Variants in SPECC1 observed in about 807,000 individuals in gnomAD.
The protein encoded by SPECC1 is sperm antigen with calponin homology and coiled-coil domains 1, also known as cytospin-B.
Under a neutral mutation model 104.1 loss-of-function variants are expected in SPECC1, and 62 were observed. The observed-to-expected ratio is 0.60, with a 90% CI of 0.49 to 0.74. SPECC1 has a LOEUF of 0.74. Among genes scored for constraint, SPECC1 ranks in the 30% least tolerant of loss-of-function variants. SPECC1 has a pLI of 0.00. For missense variants in SPECC1, 1,306 were observed against 1,310.5 expected, an observed-to-expected ratio of 1.00 and a Z score of 0.05; for synonymous variants, 513 against 501.6, an observed-to-expected ratio of 1.02 and a Z score of -0.30.
In SPECC1 at chr17:20,316,653, A is replaced by G; in HGVS notation, c.*2588A>G. ...CCAAAGTGCTGGGATTACAGGCATG[A>G]GCCACTGAGCCCGGCTGTTTTTTTG... On this transcript the variant is annotated 3_prime_UTR_variant, in exon 15 of 15. Coordinates refer to ENST00000395527, the MANE Select transcript of SPECC1 (RefSeq NM_001243439.2). 1 of 185,408 alleles carries G rather than the reference A, an allele frequency of 5.4e-6. No homozygotes were observed. Among genetic ancestry groups the G allele is most frequent in the Non-Finnish European group, 1.1e-5 (1 of 87,848 alleles). The allele number at this position is 185,408 out of a possible 1,614,324, so 11.5% of individuals were successfully genotyped here.
intron 3 of SPECC1, among the ~76,000 whole-genome samples, chr17:20,141,937 C>T (rs1053149196): frequency 3.3e-5 from 5 of 152,208 alleles, no homozygotes; most frequent in Non-Finnish European, 7.3e-5. Flanking sequence ...GTTGTGTGAA[C>T]CTAGTCTCTG....
chr17:20,307,879 C>A (rs530415234), intron 14 of SPECC1, among the ~76,000 whole-genome samples: 5 of 152,134 alleles, frequency 3.3e-5, no homozygotes, highest in African/African-American at 1.2e-4. Context: ...ACAAAATATC[C>A]ATCTAGACAT....
At position 20,114,604 on chromosome 17, in the gene SPECC1, T is replaced by C. The variant is rs534847393; in HGVS notation, c.283+4042T>C. Among the ~76,000 whole-genome samples, 31 of 152,106 alleles carry C rather than the reference T, an allele frequency of 2.0e-4. No individual in the cohort carries two copies. The East Asian group carries it at 4.8e-3, about 24-fold the overall frequency. On this transcript the variant is annotated intron_variant, in intron 3 of 14. Coordinates refer to ENST00000395527, the MANE Select transcript of SPECC1 (RefSeq NM_001243439.2). ...TCTCCCTACCAATGACCTGGTGTCC[T>C]TACATCTACCCCAAGAGCAGGGATG...
chr17:20,233,042 C>G (rs1028065071), intron 7 of SPECC1, among the ~76,000 whole-genome samples: 1 of 152,088 alleles, frequency 6.6e-6, no homozygotes, highest in African/African-American at 2.4e-5. Flanking sequence ...GAAGGTATTC[C>G]CAAAGTGAAT....
intron 3 of SPECC1, 148 bp from the exon 4 acceptor site, chr17:20,204,185 T>C: frequency 9.8e-7 from 1 of 1,022,528 alleles, no homozygotes; most frequent in Non-Finnish European, 1.4e-6. Context: ...GAAACCACAG[T>C]CAGAACTGGG....
At chr17:20,055,125 T>A (rs954801093) in intron 1 of SPECC1, among the ~76,000 whole-genome samples, 1 of 152,206 alleles carries the variant, frequency 6.6e-6, no homozygotes. Context: ...TCCATTGTAC[T>A]CTTTGATTCT....
chr17:20,069,287 G>T (rs769294536), intron 1 of SPECC1, among the ~76,000 whole-genome samples: 1 of 152,166 alleles, frequency 6.6e-6, no homozygotes, highest in African/African-American at 2.4e-5. Flanking sequence ...ACGTGATCTT[G>T]TTCTTTTTTA....
intron 14 of SPECC1, among the ~76,000 whole-genome samples, chr17:20,310,893 G>T (rs1406851146): frequency 6.6e-6 from 1 of 152,034 alleles, no homozygotes; most frequent in Non-Finnish European, 1.5e-5. Flanking sequence ...TACCATTTTG[G>T]GCATTTTTCA....
chr17:20,063,930 T>G (rs1243994911), intron 1 of SPECC1, among the ~76,000 whole-genome samples: 1 of 152,152 alleles, frequency 6.6e-6, no homozygotes, highest in African/African-American at 2.4e-5. Flanking sequence ...AAACAATCAC[T>G]TAGAGGTGCT....
chr17:20,024,788 C>G (rs1474356092), intron 1 of SPECC1, among the ~76,000 whole-genome samples: 1 of 152,134 alleles, frequency 6.6e-6, no homozygotes, highest in African/African-American at 2.4e-5. Context: ...CCTCCTTTAT[C>G]CTTCCAGCTT....
chr17:20,203,821 G>C (rs1285055422), intron 3 of SPECC1, among the ~76,000 whole-genome samples: 1 of 152,222 alleles, frequency 6.6e-6, no homozygotes, highest in Non-Finnish European at 1.5e-5. Context: ...GTATTTACTG[G>C]CTTGCCTAAC....
At chr17:20,102,695 G>A (rs1313204315) in intron 2 of SPECC1, among the ~76,000 whole-genome samples, 3 of 152,192 alleles carry the variant, frequency 2.0e-5, no homozygotes, top group Non-Finnish European at 4.4e-5. Flanking sequence ...GAGGTTCAGA[G>A]AGGTTGATGA....
chr17:20,164,356 G>A (rs550720190), intron 3 of SPECC1, among the ~76,000 whole-genome samples: 73 of 151,600 alleles, frequency 4.8e-4, no homozygotes, highest in Non-Finnish European at 9.6e-4. Context: ...TGGTGCAGAC[G>A]GGGTCTCACT....
At chr17:20,308,992 A>G (rs2041853853) in intron 14 of SPECC1, among the ~76,000 whole-genome samples, 1 of 152,208 alleles carries the variant, frequency 6.6e-6, no homozygotes, top group Non-Finnish European at 1.5e-5. Context: ...TATAGAAGTT[A>G]GTGAGCTGGG....
intron 3 of SPECC1, chr17:20,185,136 A>T (rs1194176675): frequency 6.6e-6 from 1 of 152,262 alleles, no homozygotes; most frequent in Non-Finnish European, 1.5e-5. Context: ...TGAGATAAAA[A>T]TCTGTCTTGT....
At chr17:20,197,614 C>G (rs1420972071) in intron 3 of SPECC1, among the ~76,000 whole-genome samples, 1 of 152,198 alleles carries the variant, frequency 6.6e-6, no homozygotes, top group Admixed American at 6.5e-5. Context: ...CCCTAAAATT[C>G]CTGTTCCCTG....
intron 7 of SPECC1, among the ~76,000 whole-genome samples, chr17:20,239,878 GTTTTTTTTT>G (rs60216339): frequency 5.4e-5 from 2 of 36,912 alleles, no homozygotes; most frequent in Non-Finnish European, 8.8e-5. Flanking sequence ...ATTTCGCTGA[GTTTTTTTTT>G]TTTTTTTTTT....
intron 12 of SPECC1, among the ~76,000 whole-genome samples, chr17:20,281,043 A>C (rs2151670163): frequency 6.6e-6 from 1 of 152,258 alleles, no homozygotes; most frequent in East Asian, 1.9e-4. Context: ...TCCTCTTTAG[A>C]GCATCGGACA....
At position 20,036,706 on chromosome 17, in the gene SPECC1, C is replaced by T. The variant is rs763284028; in HGVS notation, c.-22+27282C>T. 3.0e-4 allele frequency among the ~76,000 whole-genome samples: 46 copies of T among 152,300 alleles called. 1 individual carries two copies. Among genetic ancestry groups the T allele is most frequent in the South Asian group, 6.2e-4 (3 of 4,828 alleles). On this transcript the variant is annotated intron_variant, in intron 1 of 14. Coordinates refer to ENST00000395527, the MANE Select transcript of SPECC1 (RefSeq NM_001243439.2). The stretch of plus-strand genomic sequence containing the variant: ...CCAGCGTGTCTCCACTGCCCCCCTA[C>T]CCCTAGTTGCTTTACATTTTCTATG...
Sources: gnomAD v4.1 joint callset for allele counts (sites outside exome capture counted in the v4.1 genomes callset) on GRCh38, gnomAD v4.1.1 for gene constraint, MANE v1.5 for transcripts, NCBI Gene and HGNC (gene_info 2026-07-23, HGNC 2026-07-21) for gene names.